The following UBLCP1 variants were observed in gnomAD, a reference collection of about 807,000 sequenced individuals.
UBLCP1 encodes the protein ubiquitin like domain containing CTD phosphatase 1, also known as ubiquitin-like domain-containing CTD phosphatase 1.
In UBLCP1, 28 loss-of-function variants were observed where a neutral mutation model predicts 42.4. The ratio of observed to expected loss-of-function variants is 0.66; its 90% CI spans 0.49 to 0.90. The LOEUF (loss-of-function observed/expected upper bound fraction) is 0.90, where lower values mean the gene tolerates loss of function less well. UBLCP1 is among the 40% of genes least tolerant of loss of function. UBLCP1 has a pLI of 0.00. For synonymous variants in UBLCP1, 122 were observed against 120.8 expected (o/e 1.01, Z -0.07); for missense variants, 279 against 374.5 (o/e 0.75, Z 2.10).
Position 159,276,469 on chromosome 5 carries a change from A to G in UBLCP1, c.684+1223A>G, listed in dbSNP as rs557968966. ...TGTATCGAGAAAAAGATAACTTACT[A>G]TATACTAAAGTAAAATAATACATTT... is the stretch of plus-strand genomic sequence containing the variant. On this transcript the variant is annotated intron_variant, in intron 8 of 10. Transcript: ENST00000296786. Among the ~76,000 whole-genome samples, 5 of 152,340 alleles carry G rather than the reference A, an allele frequency of 3.3e-5. No individual in the cohort carries two copies. The South Asian group carries it at 1.0e-3, about 32-fold the overall frequency.
chr5:159,280,461 C>T (rs1453221205), intron 9 of UBLCP1, among the ~76,000 whole-genome samples: 1 of 152,120 alleles, frequency 6.6e-6, no homozygotes, highest in East Asian at 1.9e-4. Context: ...CGTTACCACA[C>T]CTGGCTAATT....
chr5:159,275,048 T>C (rs1753516414), intron 7 of UBLCP1, 100 bp from the exon 8 acceptor site: 7 of 979,014 alleles, frequency 7.2e-6, no homozygotes, highest in Non-Finnish European at 1.1e-5. Context: ...GCCAGTGGTG[T>C]AGAAAGTTGG....
intron 1 of UBLCP1, among the ~76,000 whole-genome samples, 198 bp downstream of exon 1, chr5:159,263,558 C>T (rs931976107): frequency 6.6e-6 from 1 of 152,218 alleles, no homozygotes; most frequent in African/African-American, 2.4e-5. Context: ...AGCAGTCTAG[C>T]CTATTTGGAG....
chr5:159,284,570 G>A (rs1046638514), intron 10 of UBLCP1, among the ~76,000 whole-genome samples: 6 of 152,132 alleles, frequency 3.9e-5, no homozygotes, highest in Non-Finnish European at 1.5e-5. Context: ...AGTATGGAGT[G>A]GTAGTCAATG....
chr5:159,272,520 CT>C (rs1753482245), intron 6 of UBLCP1, among the ~76,000 whole-genome samples: 1 of 151,998 alleles, frequency 6.6e-6, no homozygotes, highest in South Asian at 2.1e-4. Context: ...TCCCAAAGTG[CT>C]GGATTACAGG....
chr5:159,275,105 C>A, intron 7 of UBLCP1, 43 bp from the exon 8 acceptor site: 1 of 1,554,224 alleles, frequency 6.4e-7, no homozygotes, highest in South Asian at 1.1e-5. Context: ...CTGAAATTTT[C>A]CACACTACTA....
intron 1 of UBLCP1, among the ~76,000 whole-genome samples, chr5:159,266,618 A>G (rs914947121): frequency 3.9e-5 from 6 of 152,246 alleles, no homozygotes; most frequent in African/African-American, 1.2e-4. Flanking sequence ...TCTCCAGGCT[A>G]TGTCAAAGAC....
At chr5:159,272,226 T>C in intron 6 of UBLCP1, 105 bp downstream of exon 6, 1 of 906,802 alleles carries the variant, frequency 1.1e-6, no homozygotes, top group Non-Finnish European at 1.7e-6. Flanking sequence ...AAATATGAAA[T>C]AGTTTTCATT....
intron 10 of UBLCP1, 53 bp from the exon 11 acceptor site, chr5:159,284,851 C>A: frequency 6.3e-7 from 1 of 1,596,890 alleles, no homozygotes; most frequent in Non-Finnish European, 8.6e-7. Context: ...GTTAGGTTAT[C>A]TTCATGAATT....
intron 10 of UBLCP1, among the ~76,000 whole-genome samples, chr5:159,283,903 A>G (rs563760468): frequency 2.4e-4 from 37 of 152,214 alleles, no homozygotes; most frequent in South Asian, 1.4e-3. Context: ...ACAAATCTAT[A>G]TAGACGTTGC....
intron 8 of UBLCP1, 116 bp from the exon 9 acceptor site, chr5:159,278,122 A>AC (rs1488399630): frequency 1.5e-6 from 1 of 673,982 alleles, no homozygotes; most frequent in Non-Finnish European, 2.6e-6. Flanking sequence ...CACCTGTCTT[A>AC]CAGGGGGAAA....
chr5:159,270,761 T>C lies in UBLCP1; in HGVS notation c.448+118T>C. ...TTCTCGTGAAATACTTGAAAACTTT[T>C]CTTATTACAAAAGTAAATTGCTCAT... On this transcript the variant is annotated intron_variant, in intron 5 of 10. Transcript: ENST00000296786. The C allele has an allele frequency of 4.8e-6, 3 of 629,782 alleles. No individual in the cohort carries two copies. The South Asian group carries it at 8.2e-5, about 17-fold the overall frequency. 39.0% of individuals were successfully genotyped at this position (629,782 alleles called of 1,614,324 possible).
At chr5:159,282,963 A>C (rs1753625548) in intron 9 of UBLCP1, among the ~76,000 whole-genome samples, 1 of 152,102 alleles carries the variant, frequency 6.6e-6, no homozygotes, top group Admixed American at 6.6e-5. Context: ...TATGGATTCA[A>C]GTGCAATAAG....
intron 9 of UBLCP1, among the ~76,000 whole-genome samples, chr5:159,282,974 A>T (rs10515783): frequency 0.27 from 41,709 of 151,944 alleles, 6,195 homozygotes; most frequent in South Asian, 0.32. Context: ...GTGCAATAAG[A>T]AAGCTGGTGT....
At chr5:159,273,709 T>A (rs1753499012) in intron 6 of UBLCP1, among the ~76,000 whole-genome samples, 1 of 152,156 alleles carries the variant, frequency 6.6e-6, no homozygotes, top group South Asian at 2.1e-4. Flanking sequence ...GATACAATAG[T>A]CTTTAAAATT....
intron 1 of UBLCP1, among the ~76,000 whole-genome samples, chr5:159,268,612 A>G (rs1055504736): frequency 2.0e-5 from 3 of 152,228 alleles, no homozygotes; most frequent in Non-Finnish European, 2.9e-5. Flanking sequence ...ATGGTAGCTC[A>G]TAATTGCACA....
At chr5:159,283,753 T>C (rs1264877967) in intron 10 of UBLCP1, among the ~76,000 whole-genome samples, 1 of 152,082 alleles carries the variant, frequency 6.6e-6, no homozygotes, top group Non-Finnish European at 1.5e-5. Context: ...AAATTACCAG[T>C]AACTTGAGTG....
chr5:159,280,383 G>T (rs1753593678), intron 9 of UBLCP1, among the ~76,000 whole-genome samples: 1 of 152,142 alleles, frequency 6.6e-6, no homozygotes, highest in Admixed American at 6.5e-5. Context: ...GCTCATTGCA[G>T]CCTCGACTTC....
intron 6 of UBLCP1, among the ~76,000 whole-genome samples, chr5:159,272,364 C>G (rs1753478576): frequency 6.6e-6 from 1 of 151,548 alleles, no homozygotes; most frequent in African/African-American, 2.4e-5. Context: ...ATAAAAATGA[C>G]TAATTTTCCC....
Sources: allele counts gnomAD v4.1 joint callset (sites outside exome capture counted in the v4.1 genomes callset), GRCh38; gene constraint gnomAD v4.1.1; transcripts MANE v1.5; gene names NCBI Gene and HGNC (gene_info 2026-07-23, HGNC 2026-07-21).